The following ELMO1 variants were observed in gnomAD, a reference collection of about 807,000 sequenced individuals.
The protein encoded by ELMO1 is engulfment and cell motility protein 1.
Under a neutral mutation model 98.9 loss-of-function variants are expected in ELMO1, and 26 were observed. The observed-to-expected ratio is 0.26, with a 90% CI of 0.19 to 0.36. The LOEUF (loss-of-function observed/expected upper bound fraction) is 0.36. ELMO1 is among the 10% of genes least tolerant of loss of function. The pLI, the probability that ELMO1 is intolerant of heterozygous loss-of-function variation, is 1.00. For synonymous variants in ELMO1, 346 were observed against 346.0 expected, an observed-to-expected ratio of 1.00 and a Z score of 0.00; for missense variants, 627 against 935.2, an observed-to-expected ratio of 0.67 and a Z score of 4.30.
intron 13 of ELMO1, among the ~76,000 whole-genome samples, chr7:37,139,135 G>T (rs746464932): frequency 6.6e-6 from 1 of 152,144 alleles, no homozygotes; most frequent in Non-Finnish European, 1.5e-5. Context: ...ATAGGCAAAA[G>T]GTGGAAGCAT....
chr7:37,363,990 T>C (rs1801800951), intron 1 of ELMO1, among the ~76,000 whole-genome samples: 1 of 152,180 alleles, frequency 6.6e-6, no homozygotes, highest in Non-Finnish European at 1.5e-5. Context: ...TGCTTCTTCA[T>C]TTGACTAATG....
At chr7:37,163,847 A>T (rs1789422243) in intron 13 of ELMO1, among the ~76,000 whole-genome samples, 1 of 152,224 alleles carries the variant, frequency 6.6e-6, no homozygotes, top group Admixed American at 6.5e-5. Flanking sequence ...CTTTGGGTAT[A>T]TACCCAGTAA....
At chr7:37,159,715 A>AATG (rs1378383910) in intron 13 of ELMO1, among the ~76,000 whole-genome samples, 2 of 152,072 alleles carry the variant, frequency 1.3e-5, no homozygotes, top group African/African-American at 4.8e-5. Flanking sequence ...TAATAATAAT[A>AATG]ATAATAATTC....
chr7:36,875,289 T>G (rs1424809792), intron 19 of ELMO1, among the ~76,000 whole-genome samples: 1 of 152,122 alleles, frequency 6.6e-6, no homozygotes, highest in Non-Finnish European at 1.5e-5. Flanking sequence ...TCAGGCACAG[T>G]ATTGCTTCAT....
At chr7:36,993,775 T>C (rs1314670608) in intron 16 of ELMO1, among the ~76,000 whole-genome samples, 2 of 152,188 alleles carry the variant, frequency 1.3e-5, no homozygotes, top group Non-Finnish European at 2.9e-5. Flanking sequence ...GTATATACAA[T>C]GGAAAAATGT....
chr7:37,164,569 TC>T (rs1416432496), intron 13 of ELMO1, among the ~76,000 whole-genome samples: 2 of 152,238 alleles, frequency 1.3e-5, no homozygotes, highest in African/African-American at 4.8e-5. Context: ...TAGCCAGTTT[TC>T]CCAGCACCAT....
At chr7:37,215,516 C>T (rs181216519) in intron 11 of ELMO1, among the ~76,000 whole-genome samples, 33 of 152,282 alleles carry the variant, frequency 2.2e-4, no homozygotes, top group Admixed American at 9.8e-4. Context: ...ACCCACCCCC[C>T]ACTCCTCTAC....
At chr7:36,887,102 T>A (rs1805075194) in intron 18 of ELMO1, among the ~76,000 whole-genome samples, 1 of 152,224 alleles carries the variant, frequency 6.6e-6, no homozygotes, top group Non-Finnish European at 1.5e-5. Flanking sequence ...GCCAGTTTCT[T>A]AGCCCTTTAG....
At chr7:37,180,705 T>C (rs1790801248) in intron 13 of ELMO1, among the ~76,000 whole-genome samples, 1 of 152,202 alleles carries the variant, frequency 6.6e-6, no homozygotes, top group African/African-American at 2.4e-5. Flanking sequence ...CTACTAAGTA[T>C]TTAGTGCTAA....
chr7:37,013,495 T>C (rs1793706503), intron 15 of ELMO1, 60 bp from the exon 16 acceptor site: 3 of 1,579,830 alleles, frequency 1.9e-6, no homozygotes, highest in Admixed American at 3.4e-5. Flanking sequence ...CACGAGAACA[T>C]AACCACAGGT....
chr7:37,136,293 C>T (rs192568697), intron 13 of ELMO1, among the ~76,000 whole-genome samples: 124 of 152,218 alleles, frequency 8.1e-4, no homozygotes, highest in African/African-American at 2.5e-3. Flanking sequence ...GTTTGGAAAA[C>T]ATATTTCTGG....
At chr7:37,203,931 C>A (rs943439855) in intron 13 of ELMO1, among the ~76,000 whole-genome samples, 1 of 152,160 alleles carries the variant, frequency 6.6e-6, no homozygotes, top group Non-Finnish European at 1.5e-5. Context: ...ACGCTCCCAA[C>A]TCCGAAGAGT....
At chr7:36,985,187 G>A (rs1336010574) in intron 16 of ELMO1, 1 of 866,808 alleles carries the variant, frequency 1.2e-6, no homozygotes, top group Non-Finnish European at 1.4e-6. Flanking sequence ...TCCCTTTCCT[G>A]GCAGAGAGCC....
intron 13 of ELMO1, among the ~76,000 whole-genome samples, chr7:37,152,128 T>C (rs764032851): frequency 6.6e-6 from 1 of 152,212 alleles, no homozygotes; most frequent in Non-Finnish European, 1.5e-5. Flanking sequence ...AAAACTACTA[T>C]GTTAAAAAAT....
chr7:37,408,677 A>G (rs992648390), intron 1 of ELMO1, among the ~76,000 whole-genome samples: 6 of 152,212 alleles, frequency 3.9e-5, no homozygotes, highest in Admixed American at 6.5e-5. Context: ...CCCATGCTGC[A>G]TGGTTATACT....
At chr7:37,175,079 TG>T (rs1157290217) in intron 13 of ELMO1, among the ~76,000 whole-genome samples, 1 of 135,912 alleles carries the variant, frequency 7.4e-6, no homozygotes, top group Non-Finnish European at 1.6e-5. Flanking sequence ...AAAAAAGGAG[TG>T]GAAGGGAAAA....
intron 16 of ELMO1, among the ~76,000 whole-genome samples, chr7:36,962,161 G>T (rs1789003439): frequency 6.6e-6 from 1 of 152,190 alleles, no homozygotes; most frequent in South Asian, 2.1e-4. Context: ...TTGGTTCCAA[G>T]CAGACCAGTA....
chr7:36,879,757 A>AT (rs1178997917), intron 18 of ELMO1, among the ~76,000 whole-genome samples: 1 of 152,262 alleles, frequency 6.6e-6, no homozygotes, highest in Non-Finnish European at 1.5e-5. Flanking sequence ...GAAAAGGGTC[A>AT]TTTAACAGCT....
intron 14 of ELMO1, among the ~76,000 whole-genome samples, chr7:37,132,129 C>G (rs1786964679): frequency 6.6e-6 from 1 of 152,096 alleles, no homozygotes; most frequent in South Asian, 2.1e-4. Context: ...AACATGAGGC[C>G]AGACCAAAGG....
Sources: allele counts gnomAD v4.1 joint callset (sites outside exome capture counted in the v4.1 genomes callset), GRCh38; gene constraint gnomAD v4.1.1; transcripts MANE v1.5; gene names NCBI Gene and HGNC (gene_info 2026-07-23, HGNC 2026-07-21).